CDH4: variants seen among roughly 807,000 people sequenced by gnomAD.
The protein encoded by CDH4 is cadherin 4.
A neutral mutation model predicts 86.0 loss-of-function variants in CDH4; 33 were observed. The observed-to-expected ratio is 0.38, with a 90% CI of 0.29 to 0.51. The LOEUF (loss-of-function observed/expected upper bound fraction) is 0.51, where lower values mean the gene tolerates loss of function less well. Among genes scored for constraint, CDH4 ranks in the 20% least tolerant of loss-of-function variants. The pLI is 0.86. For missense variants in CDH4, 1,114 were observed against 1,307.4 expected (o/e 0.85, Z 2.28); for synonymous variants, 555 against 549.4 (o/e 1.01, Z -0.14).
At chr20:61,666,061 C>T (rs1279931267) in intron 2 of CDH4, among the ~76,000 whole-genome samples, 1 of 152,052 alleles carries the variant, frequency 6.6e-6, no homozygotes, top group Non-Finnish European at 1.5e-5. Flanking sequence ...CCCAAATGGA[C>T]GTTGGGGCCC....
chr20:61,406,283 G>A (rs1172355401), intron 2 of CDH4, among the ~76,000 whole-genome samples: 4 of 150,452 alleles, frequency 2.7e-5, no homozygotes, highest in Non-Finnish European at 5.9e-5. Flanking sequence ...ACCACCATCT[G>A]CTCTGCCCGG....
At chr20:61,869,545 C>A (rs954234337) in intron 6 of CDH4, among the ~76,000 whole-genome samples, 7 of 152,322 alleles carry the variant, frequency 4.6e-5, no homozygotes, top group African/African-American at 1.7e-4. Context: ...GATTCAGTTT[C>A]CCCATCTGTC....
chr20:61,908,386 CA>C (rs2054814576), intron 8 of CDH4, among the ~76,000 whole-genome samples: 1 of 152,196 alleles, frequency 6.6e-6, no homozygotes, highest in African/African-American at 2.4e-5. Context: ...GGACCCTGTT[CA>C]CCTGATGTCT....
intron 8 of CDH4, among the ~76,000 whole-genome samples, chr20:61,897,671 C>T (rs908443997): frequency 1.1e-4 from 17 of 152,286 alleles, no homozygotes; most frequent in African/African-American, 3.9e-4. Context: ...GCAGAGGGTC[C>T]CCATGGCATT....
rs542766758 is a variant in CDH4, at chr20:61,486,094, C to T, written c.169+231157C>T. ...GTGAGCCATGCTTTCTTTAGACTTC[C>T]AGGATATCACGAGCCCAAAAAATTC... On this transcript the variant is annotated intron_variant, in intron 2 of 15. Coordinates refer to ENST00000614565, the MANE Select transcript of CDH4 (RefSeq NM_001794.5). Among the ~76,000 whole-genome samples the T allele has an allele frequency of 9.8e-5, 15 of 152,336 alleles. 1 individual carries two copies. Among genetic ancestry groups the T allele is most frequent in the Admixed American group, 3.9e-4 (6 of 15,300 alleles).
chr20:61,879,140 A>G lies in CDH4; in HGVS notation c.1050+5240A>G, dbSNP rs189253059. Among the ~76,000 whole-genome samples the G allele has an allele frequency of 3.2e-4, 48 of 152,284 alleles. No homozygotes were observed. The highest frequency in any genetic ancestry group is 5.0e-4 in the Non-Finnish European group (34 of 68,020). Reference sequence around the variant, plus strand: ...CAGGCGGCCACTGACAGCAGTGTAGACGCCAAGCGAGCACCAGTTCAGCTC... The same window carrying G: ...CAGGCGGCCACTGACAGCAGTGTAGGCGCCAAGCGAGCACCAGTTCAGCTC... On this transcript the variant is annotated intron_variant, in intron 7 of 15. Transcript: ENST00000614565. This position sits in a 1 kb window ranked among gnomAD's most constrained non-coding sequence, Gnocchi z 4.1.
chr20:61,523,414 C>A (rs1205979841), intron 2 of CDH4, among the ~76,000 whole-genome samples: 1 of 152,252 alleles, frequency 6.6e-6, no homozygotes, highest in Non-Finnish European at 1.5e-5. Flanking sequence ...CGCACAGACA[C>A]ACCCTTCCAG....
intron 2 of CDH4, among the ~76,000 whole-genome samples, chr20:61,359,832 G>A (rs1391232589): frequency 6.6e-6 from 1 of 152,200 alleles, no homozygotes; most frequent in Non-Finnish European, 1.5e-5. Context: ...AGTTTAAAGA[G>A]AGAGGCCTCA....
intron 2 of CDH4, among the ~76,000 whole-genome samples, chr20:61,489,352 C>T (rs550998284): frequency 8.2e-4 from 124 of 151,546 alleles, no homozygotes; most frequent in Non-Finnish European, 1.5e-3. Flanking sequence ...TGGTTTTTGC[C>T]ATTACTTGGG....
chr20:61,504,800 ACC>A (rs1404264801), intron 2 of CDH4, among the ~76,000 whole-genome samples: 1 of 152,134 alleles, frequency 6.6e-6, no homozygotes, highest in African/African-American at 2.4e-5. Context: ...TGGTGGCACT[ACC>A]CTTGATCTCG....
intron 2 of CDH4, among the ~76,000 whole-genome samples, chr20:61,261,795 G>A (rs953851327): frequency 2.0e-5 from 3 of 152,226 alleles, no homozygotes; most frequent in African/African-American, 4.8e-5. Context: ...GAGGCCCTCA[G>A]TGTGTCAGAA....
chr20:61,332,596 C>T (rs1349452645), intron 2 of CDH4, among the ~76,000 whole-genome samples: 1 of 152,238 alleles, frequency 6.6e-6, no homozygotes, highest in Non-Finnish European at 1.5e-5. Context: ...CAGGTGCAGT[C>T]AGTTACCTCC....
intron 2 of CDH4, among the ~76,000 whole-genome samples, chr20:61,388,123 C>T (rs2084962254): frequency 6.6e-6 from 1 of 152,206 alleles, no homozygotes; most frequent in African/African-American, 2.4e-5. Flanking sequence ...AGTTTACCAT[C>T]CTGCAGGGTG....
intron 12 of CDH4, 133 bp from the exon 13 acceptor site, chr20:61,929,476 T>C (rs2055081611): frequency 1.5e-6 from 1 of 661,998 alleles, no homozygotes; most frequent in East Asian, 2.7e-5. Flanking sequence ...CACAGGTGTA[T>C]GTATGTATGT....
chr20:61,695,665 C>T (rs2087707738), intron 2 of CDH4, among the ~76,000 whole-genome samples: 1 of 152,220 alleles, frequency 6.6e-6, no homozygotes, highest in African/African-American at 2.4e-5. Context: ...GCACGTCCCA[C>T]AGGGGAGGTC....
rs2055024462 is a variant in CDH4, at chr20:61,924,579, A to G, written c.1771+103A>G. On this transcript the variant is annotated intron_variant, in intron 11 of 15. Transcript: ENST00000614565. ...GCCAGGGAGACCCCGAGAGGCCAGC[A>G]GGCATCCAGAGGGTCACCCAGAGGG... The G allele has an allele frequency of 2.3e-6, 3 of 1,282,758 alleles. No homozygotes were observed. The East Asian group carries it at 7.3e-5, about 31-fold the overall frequency. The allele number at this position is 1,282,758 out of a possible 1,614,324, so 79.5% of individuals were successfully genotyped here. A position where few individuals can be genotyped will look rare whatever the true frequency, so the allele number is the denominator to read the frequency against.
chr20:61,789,563 CTACACACATA>C (rs955592805), intron 4 of CDH4, among the ~76,000 whole-genome samples: 6 of 152,342 alleles, frequency 3.9e-5, no homozygotes, highest in African/African-American at 1.4e-4. Flanking sequence ...CAGGAATTTT[CTACACACATA>C]AGGCACATCA....
intron 6 of CDH4, among the ~76,000 whole-genome samples, chr20:61,853,840 G>T (rs933991262): frequency 4.6e-5 from 7 of 152,162 alleles, no homozygotes; most frequent in Non-Finnish European, 8.8e-5. Flanking sequence ...GTGGAGAGGG[G>T]TCCTCTTTGG....
At position 61,861,161 on chromosome 20, in the gene CDH4, C is replaced by A. The variant is rs768307681; in HGVS notation, c.877+8263C>A. On this transcript the variant is annotated intron_variant, in intron 6 of 15. Transcript: ENST00000614565. ...CGTGGGCTCCGCTGGTCTCCACCGA[C>A]GATCCCTGCTTCTCTGCACCCAGGG... Among the ~76,000 whole-genome samples the A allele has an allele frequency of 1.7e-4, 26 of 152,320 alleles. No individual in the cohort carries two copies. The Middle Eastern group carries it at 0.014, about 80-fold the overall frequency.
Sources: allele counts gnomAD v4.1 joint callset (sites outside exome capture counted in the v4.1 genomes callset), GRCh38; gene constraint gnomAD v4.1.1; non-coding constraint Gnocchi (gnomAD v3.1); transcripts MANE v1.5; gene names NCBI Gene and HGNC (gene_info 2026-07-23, HGNC 2026-07-21).